FGF14: variants seen among roughly 807,000 people sequenced by gnomAD.
FGF14 encodes the protein fibroblast growth factor homologous factor 4.
A neutral mutation model predicts 25.5 loss-of-function variants in FGF14; 5 were observed. That is an observed-to-expected ratio of 0.20 (90% CI 0.10 to 0.41). The LOEUF (loss-of-function observed/expected upper bound fraction) is 0.41. FGF14 is among the 10% of genes least tolerant of loss of function. The probability of loss-of-function intolerance (pLI) is 1.00; values close to 1 mark genes in which losing one functional copy is unlikely to be tolerated. For missense variants in FGF14, 222 were observed against 320.1 expected, an observed-to-expected ratio of 0.69 and a Z score of 2.34; for synonymous variants, 138 against 118.3, an observed-to-expected ratio of 1.17 and a Z score of -1.08.
intron 1 of FGF14, among the ~76,000 whole-genome samples, chr13:102,364,881 G>A (rs1263504017): frequency 6.6e-6 from 1 of 152,204 alleles, no homozygotes; most frequent in African/African-American, 2.4e-5. Flanking sequence ...ACATATGGGC[G>A]AGATGCAAAA....
intron 1 of FGF14, among the ~76,000 whole-genome samples, chr13:101,915,995 C>T (rs1815542445): frequency 6.6e-6 from 1 of 152,190 alleles, no homozygotes; most frequent in Non-Finnish European, 1.5e-5. Context: ...TCTGGGAACC[C>T]GGGAGGTTTC....
At chr13:102,341,321 A>C (rs1284148931) in intron 1 of FGF14, among the ~76,000 whole-genome samples, 2 of 152,210 alleles carry the variant, frequency 1.3e-5, no homozygotes, top group Admixed American at 6.5e-5. Flanking sequence ...CATTATGAGG[A>C]GACAAATTTG....
intron 1 of FGF14, among the ~76,000 whole-genome samples, chr13:102,113,688 A>C (rs1174506539): frequency 2.0e-5 from 3 of 152,152 alleles, no homozygotes; most frequent in Admixed American, 6.5e-5. Context: ...CTGTGTAGCT[A>C]CATTTGAGAA....
chr13:101,759,322 C>G (rs558752167), intron 3 of FGF14, among the ~76,000 whole-genome samples: 10 of 152,108 alleles, frequency 6.6e-5, no homozygotes, highest in Non-Finnish European at 1.3e-4. Flanking sequence ...ATTAGGGAAC[C>G]TGGGATGGAG....
At chr13:102,242,568 A>C (rs913621609) in intron 1 of FGF14, among the ~76,000 whole-genome samples, 1 of 152,066 alleles carries the variant, frequency 6.6e-6, no homozygotes, top group Admixed American at 6.6e-5. Context: ...CATTCCACGA[A>C]TATGAGCCCA....
intron 1 of FGF14, among the ~76,000 whole-genome samples, chr13:102,115,195 G>A (rs1426131632): frequency 1.3e-5 from 2 of 152,088 alleles, no homozygotes; most frequent in African/African-American, 4.8e-5. Context: ...CTTGTTAGAG[G>A]TTACCCTGGG....
At chr13:101,921,585 T>C (rs1047513927), upstream of FGF14, among the ~76,000 whole-genome samples, 1 of 152,212 alleles carries the variant, frequency 6.6e-6, no homozygotes, top group Non-Finnish European at 1.5e-5. Flanking sequence ...CCTCCACTAC[T>C]ACCTACCACC....
chr13:102,376,005 C>T (rs1462209927), intron 1 of FGF14, among the ~76,000 whole-genome samples: 1 of 152,098 alleles, frequency 6.6e-6, no homozygotes, highest in African/African-American at 2.4e-5. Flanking sequence ...AGGAATAAAT[C>T]TGCTGGTTCT....
chr13:101,736,252 A>G (rs1449947151), intron 3 of FGF14, among the ~76,000 whole-genome samples: 1 of 152,194 alleles, frequency 6.6e-6, no homozygotes, highest in Non-Finnish European at 1.5e-5. Flanking sequence ...ATCAATGAAC[A>G]TTTGAATATT....
At chr13:102,110,686 C>T (rs2045180561) in intron 1 of FGF14, among the ~76,000 whole-genome samples, 1 of 152,102 alleles carries the variant, frequency 6.6e-6, no homozygotes, top group African/African-American at 2.4e-5. Context: ...GTCATACACG[C>T]CTGTTACGTG....
At chr13:101,863,346 G>C (rs564907631) in intron 3 of FGF14, among the ~76,000 whole-genome samples, 1 of 152,234 alleles carries the variant, frequency 6.6e-6, no homozygotes, top group African/African-American at 2.4e-5. Flanking sequence ...ACCCTCAAAT[G>C]CTGCCAAGGC....
intron 1 of FGF14, among the ~76,000 whole-genome samples, chr13:102,157,120 C>T (rs1033963361): frequency 2.2e-4 from 33 of 152,324 alleles, no homozygotes; most frequent in Admixed American, 8.5e-4. Context: ...CCCCATCAAG[C>T]TACCAATGAC....
At chr13:102,268,820 C>T (rs1160599845) in intron 1 of FGF14, among the ~76,000 whole-genome samples, 1 of 152,096 alleles carries the variant, frequency 6.6e-6, no homozygotes, top group Non-Finnish European at 1.5e-5. Flanking sequence ...AAAAATATTT[C>T]CATCAAAAGA....
At chr13:102,048,199 T>C (rs531532325) in intron 1 of FGF14, among the ~76,000 whole-genome samples, 2 of 152,144 alleles carry the variant, frequency 1.3e-5, no homozygotes, top group African/African-American at 4.8e-5. Context: ...GGAAACAGCA[T>C]GGCTCTTAGG....
chr13:101,901,485 C>T (rs1203499883), intron 1 of FGF14, among the ~76,000 whole-genome samples: 1 of 152,120 alleles, frequency 6.6e-6, no homozygotes, highest in Admixed American at 6.5e-5. Flanking sequence ...GGGTGGGTCA[C>T]CTGAGGTCAG....
chr13:102,103,731 A>T (rs1163025567), intron 1 of FGF14, among the ~76,000 whole-genome samples: 1 of 152,058 alleles, frequency 6.6e-6, no homozygotes, highest in South Asian at 2.1e-4. Flanking sequence ...GAGGTCCTTT[A>T]CCTGAGCAGG....
intron 1 of FGF14, chr13:102,294,135 A>G (rs1208685611): frequency 6.6e-6 from 1 of 152,236 alleles, no homozygotes; most frequent in African/African-American, 2.4e-5. Flanking sequence ...CAATCATAAT[A>G]CAAGAGGCTT....
chr13:102,083,496 G>C (rs747688846), intron 1 of FGF14, among the ~76,000 whole-genome samples: 25 of 152,208 alleles, frequency 1.6e-4, no homozygotes, highest in Non-Finnish European at 2.8e-4. Flanking sequence ...TTAAATGACA[G>C]ATAGTAGACC....
intron 1 of FGF14, among the ~76,000 whole-genome samples, chr13:102,116,369 T>C (rs932494508): frequency 2.0e-5 from 3 of 152,034 alleles, no homozygotes; most frequent in African/African-American, 7.2e-5. Context: ...TGTGTGTGCG[T>C]AGTATAGTGT....
Sources: gnomAD v4.1 joint callset for allele counts (sites outside exome capture counted in the v4.1 genomes callset) on GRCh38, gnomAD v4.1.1 for gene constraint, MANE v1.5 for transcripts, NCBI Gene and HGNC (gene_info 2026-07-23, HGNC 2026-07-21) for gene names.